Variants in PLXNA2 observed in about 807,000 individuals in gnomAD.
The protein encoded by PLXNA2 is plexin-A2.
A neutral mutation model predicts 193.5 loss-of-function variants in PLXNA2; 91 were observed. That is an observed-to-expected ratio of 0.47 (90% CI 0.40 to 0.56). The LOEUF (loss-of-function observed/expected upper bound fraction) is 0.56, where lower values mean the gene tolerates loss of function less well. Among genes scored for constraint, PLXNA2 ranks in the 20% least tolerant of loss-of-function variants. PLXNA2 has a pLI of 0.00. For missense variants in PLXNA2, 1,995 were observed against 2,503.2 expected, an observed-to-expected ratio of 0.80 and a Z score of 4.33; for synonymous variants, 997 against 1,027.3, an observed-to-expected ratio of 0.97 and a Z score of 0.56.
At chr1:208,125,634 C>A (rs1001319248) in intron 4 of PLXNA2, among the ~76,000 whole-genome samples, 3 of 152,168 alleles carry the variant, frequency 2.0e-5, no homozygotes, top group African/African-American at 7.2e-5. Flanking sequence ...AAAATTAATT[C>A]TTGTAATCCT....
intron 3 of PLXNA2, among the ~76,000 whole-genome samples, chr1:208,188,975 C>A (rs1314783450): frequency 2.0e-5 from 3 of 152,144 alleles, no homozygotes; most frequent in Non-Finnish European, 2.9e-5. Flanking sequence ...GGATAAGCCA[C>A]CTTAGGATGG....
intron 1 of PLXNA2, among the ~76,000 whole-genome samples, chr1:208,228,831 C>T (rs1426358851): frequency 6.6e-6 from 1 of 152,166 alleles, no homozygotes; most frequent in Non-Finnish European, 1.5e-5. Flanking sequence ...CCCAGCCCAT[C>T]CTTCAAAGCC....
chr1:208,144,729 C>G (rs1668556042), intron 3 of PLXNA2, among the ~76,000 whole-genome samples: 1 of 152,288 alleles, frequency 6.6e-6, no homozygotes, highest in South Asian at 2.1e-4. Flanking sequence ...GGACTTTCCC[C>G]TATGCTCCGC....
At chr1:208,203,960 G>A (rs1328619383) in intron 3 of PLXNA2, among the ~76,000 whole-genome samples, 2 of 152,222 alleles carry the variant, frequency 1.3e-5, no homozygotes, top group East Asian at 3.9e-4. Context: ...GCTACTGCAA[G>A]AAGCTCACAG....
In PLXNA2 at chr1:208,044,589, G is replaced by T. The variant is rs1262882530; in HGVS notation, c.3793C>A (p.Arg1265=). ...CGCTTGAGAGTGAGGTCATTTTCTC[G>T]AGACTTGCGCTTGTAGGCAATGAGG... ...IVLIAYKRKS[R]ENDLTLKRLQ... is the part of the protein sequence containing the mutation. The change falls in exon 20 of 32, where the codon CGA becomes AGA. Residue 1265 remains arginine (R), a synonymous_variant. Transcript: ENST00000367033. The surrounding 1 kb of genome is among the most constrained non-coding windows in gnomAD (Gnocchi z 4.9). 6.2e-7 allele frequency: 1 copy of T among 1,614,154 alleles called. No individual in the cohort carries two copies. Among genetic ancestry groups the T allele is most frequent in the South Asian group, 1.1e-5 (1 of 91,078 alleles).
chr1:208,027,963 T>C, intron 31 of PLXNA2, 46 bp downstream of exon 31: 1 of 1,502,600 alleles, frequency 6.7e-7, no homozygotes, highest in Non-Finnish European at 8.9e-7. Flanking sequence ...TCAGGCTTCC[T>C]GCTCCTTGCC....
intron 3 of PLXNA2, among the ~76,000 whole-genome samples, chr1:208,155,746 C>T (rs958160960): frequency 4.6e-5 from 7 of 152,086 alleles, no homozygotes; most frequent in African/African-American, 1.7e-4. Context: ...AGCTCTGGCT[C>T]ATGGGATGCT....
Position 208,025,686 on chromosome 1 carries a change from C to T in PLXNA2, c.*1557G>A, listed in dbSNP as rs190511733. The T allele has an allele frequency of 3.3e-5, 5 of 152,350 alleles. No individual in the cohort carries two copies. Among genetic ancestry groups the T allele is most frequent in the Admixed American group, 2.0e-4 (3 of 15,294 alleles). 9.4% of individuals were successfully genotyped at this position (152,350 alleles called of 1,614,324 possible). ...GACACTCACAGAGCGCCTTTCCTCT[C>T]GATGACTCCCACTGGCTTCTATGGG... On this transcript the variant is annotated 3_prime_UTR_variant, in exon 32 of 32. Transcript: ENST00000367033.
intron 1 of PLXNA2, among the ~76,000 whole-genome samples, chr1:208,219,743 C>T (rs570764680): frequency 1.3e-5 from 2 of 152,308 alleles, no homozygotes; most frequent in African/African-American, 4.8e-5. Flanking sequence ...TCCTCCAACC[C>T]GACTCCCCCA....
intron 3 of PLXNA2, among the ~76,000 whole-genome samples, chr1:208,193,096 G>A (rs1204128046): frequency 1.3e-4 from 20 of 152,262 alleles, no homozygotes; most frequent in Non-Finnish European, 1.9e-4. Context: ...TCCAACTACC[G>A]CAATATCCTC....
chr1:208,217,074 G>C lies in PLXNA2; in HGVS notation c.849C>G (p.Leu283=). 6.2e-7 allele frequency: 1 copy of C among 1,614,122 alleles called. No individual in the cohort carries two copies. Among genetic ancestry groups the C allele is most frequent in the Non-Finnish European group, 8.5e-7 (1 of 1,179,966 alleles). The part of the protein sequence containing the change: ...DLFYTSRIVR[L]CKDDPKFHSY... ...AGTGGAACTTGGGGTCATCCTTGCA[G>C]AGCCGCACGATGCGTGAGGTGTAGA... is the stretch of plus-strand genomic sequence containing the variant. The change falls in exon 2 of 32, where the codon CTC becomes CTG. Residue 283 remains leucine, a synonymous_variant. Transcript: ENST00000367033. The surrounding 1 kb of genome is among the most constrained non-coding windows in gnomAD (Gnocchi z 4.7).
At chr1:208,050,524 G>A (rs1490863540) in intron 17 of PLXNA2, among the ~76,000 whole-genome samples, 1 of 152,184 alleles carries the variant, frequency 6.6e-6, no homozygotes, top group African/African-American at 2.4e-5. Flanking sequence ...AAATTGTACT[G>A]TCATTATAAT....
chr1:208,093,076 T>C (rs980886979), intron 8 of PLXNA2, among the ~76,000 whole-genome samples, 176 bp from the exon 9 acceptor site: 1 of 152,196 alleles, frequency 6.6e-6, no homozygotes, highest in Non-Finnish European at 1.5e-5. Context: ...ATGATATTCA[T>C]GGGAACAGAA....
At chr1:208,189,460 A>G (rs1022853910) in intron 3 of PLXNA2, among the ~76,000 whole-genome samples, 16 of 150,092 alleles carry the variant, frequency 1.1e-4, no homozygotes, top group South Asian at 4.4e-4. Flanking sequence ...CCAGAAGGGA[A>G]CCCTGACTCC....
intron 3 of PLXNA2, among the ~76,000 whole-genome samples, chr1:208,200,110 A>C (rs1220355089): frequency 6.6e-6 from 1 of 152,206 alleles, no homozygotes; most frequent in Non-Finnish European, 1.5e-5. Context: ...GGGGACACTC[A>C]GCCTTTGCCA....
At chr1:208,140,729 G>A (rs1047963456) in intron 4 of PLXNA2, among the ~76,000 whole-genome samples, 2 of 152,156 alleles carry the variant, frequency 1.3e-5, no homozygotes, top group South Asian at 2.1e-4. Flanking sequence ...TATAACAAGC[G>A]TCCACAATTT....
At chr1:208,131,925 T>C (rs776433763) in intron 4 of PLXNA2, among the ~76,000 whole-genome samples, 114 of 152,192 alleles carry the variant, frequency 7.5e-4, no homozygotes, top group Non-Finnish European at 7.2e-4. Flanking sequence ...CTAAAAGTCA[T>C]AGACACACCT....
At chr1:208,149,005 T>C (rs1240133125) in intron 3 of PLXNA2, among the ~76,000 whole-genome samples, 3 of 152,218 alleles carry the variant, frequency 2.0e-5, no homozygotes, top group African/African-American at 7.2e-5. Context: ...ACAGAGTTAT[T>C]GAGCGCTCAA....
intron 11 of PLXNA2, among the ~76,000 whole-genome samples, chr1:208,081,639 C>T (rs1047480148): frequency 2.6e-5 from 4 of 152,202 alleles, no homozygotes; most frequent in African/African-American, 9.6e-5. Context: ...CTTTGGGTCT[C>T]AGTTTCCTCA....
Sources: allele counts gnomAD v4.1 joint callset (sites outside exome capture counted in the v4.1 genomes callset), GRCh38; gene constraint gnomAD v4.1.1; non-coding constraint Gnocchi (gnomAD v3.1); transcripts MANE v1.5; gene names NCBI Gene and HGNC (gene_info 2026-07-23, HGNC 2026-07-21).